The following SEMA6D variants were observed in gnomAD, a reference collection of about 807,000 sequenced individuals.
The protein encoded by SEMA6D is semaphorin 6D, also known as semaphorin-6D.
Under a neutral mutation model 106.6 loss-of-function variants are expected in SEMA6D, and 35 were observed. That is an observed-to-expected ratio of 0.33 (90% CI 0.25 to 0.44). SEMA6D has a LOEUF of 0.44. Among genes scored for constraint, SEMA6D ranks in the 20% least tolerant of loss-of-function variants. The pLI is 1.00. For synonymous variants in SEMA6D, 499 were observed against 487.7 expected, an observed-to-expected ratio of 1.02 and a Z score of -0.31; for missense variants, 1,185 against 1,345.9, an observed-to-expected ratio of 0.88 and a Z score of 1.87.
intron 4 of SEMA6D, among the ~76,000 whole-genome samples, chr15:47,627,272 C>T (rs1356385240): frequency 1.3e-5 from 2 of 152,156 alleles, no homozygotes; most frequent in Admixed American, 1.3e-4. Context: ...AGACCTCCAT[C>T]TCAAATGCTG....
chr15:47,662,855 G>GCACA (rs1566969200), intron 4 of SEMA6D, among the ~76,000 whole-genome samples: 1 of 104,692 alleles, frequency 9.6e-6, no homozygotes, highest in Admixed American at 8.6e-5. Context: ...GCGTGTATGA[G>GCACA]CGCACACACA....
intron 3 of SEMA6D, among the ~76,000 whole-genome samples, chr15:47,568,972 A>G (rs1449488068): frequency 1.3e-5 from 2 of 152,134 alleles, no homozygotes; most frequent in African/African-American, 4.8e-5. Context: ...TGCTCTATGG[A>G]AATCCACAGA....
chr15:47,612,460 C>T (rs1365529798), intron 4 of SEMA6D, among the ~76,000 whole-genome samples: 3 of 152,178 alleles, frequency 2.0e-5, no homozygotes, highest in Admixed American at 6.5e-5. Flanking sequence ...CGTTAAAAAT[C>T]GGTGAGGTGT....
chr15:47,265,399 G>T (rs993293), intron 1 of SEMA6D, among the ~76,000 whole-genome samples: 113,971 of 151,448 alleles, frequency 0.75, 46,467 homozygotes, highest in Non-Finnish European at 0.92. Flanking sequence ...TTTCAGTTAT[G>T]GTACTTTGCA....
At chr15:47,767,866 G>T (rs2082426711) in intron 17 of SEMA6D, among the ~76,000 whole-genome samples, 1 of 152,208 alleles carries the variant, frequency 6.6e-6, no homozygotes, top group African/African-American at 2.4e-5. Context: ...CTCAGGGGGA[G>T]AAAAAGATGG....
At chr15:47,731,019 A>G (rs2080086006) in intron 1 of SEMA6D, 1 of 599,592 alleles carries the variant, frequency 1.7e-6, no homozygotes, top group East Asian at 2.7e-5. Context: ...TTTAGAAAAT[A>G]TTAATCTACT....
chr15:47,199,198 T>C (rs935779974), intron 1 of SEMA6D, among the ~76,000 whole-genome samples: 2 of 152,184 alleles, frequency 1.3e-5, no homozygotes, highest in Non-Finnish European at 2.9e-5. Context: ...GATAGTTAAA[T>C]AGACCTATTG....
At chr15:47,690,031 C>T (rs1039191801) in intron 4 of SEMA6D, among the ~76,000 whole-genome samples, 4 of 152,166 alleles carry the variant, frequency 2.6e-5, no homozygotes, top group Non-Finnish European at 5.9e-5. Context: ...CATGGCCATC[C>T]GCCTCCCTTT....
chr15:47,193,129 T>C (rs182785097), intron 1 of SEMA6D, among the ~76,000 whole-genome samples: 19 of 152,264 alleles, frequency 1.2e-4, no homozygotes, highest in African/African-American at 4.3e-4. Flanking sequence ...ATGGACCCCA[T>C]GGATGGGCTG....
chr15:47,234,485 C>G (rs28368939), intron 1 of SEMA6D, among the ~76,000 whole-genome samples: 1 of 151,722 alleles, frequency 6.6e-6, no homozygotes, highest in African/African-American at 2.4e-5. Flanking sequence ...CTTTTTATTC[C>G]TCAGTCCTCT....
At chr15:47,751,994 CA>C (rs1437763294) in intron 1 of SEMA6D, among the ~76,000 whole-genome samples, 1 of 152,064 alleles carries the variant, frequency 6.6e-6, no homozygotes, top group Non-Finnish European at 1.5e-5. Flanking sequence ...GGGCTGAAAA[CA>C]GAGACAGAGT....
At chr15:47,587,354 G>A (rs557419677) in intron 3 of SEMA6D, among the ~76,000 whole-genome samples, 1 of 152,284 alleles carries the variant, frequency 6.6e-6, no homozygotes, top group Admixed American at 6.5e-5. Flanking sequence ...GCTGACTGGA[G>A]GGTCCAAACT....
chr15:47,644,916 G>A (rs1057327057), intron 4 of SEMA6D, among the ~76,000 whole-genome samples: 1 of 152,134 alleles, frequency 6.6e-6, no homozygotes, highest in Non-Finnish European at 1.5e-5. Flanking sequence ...AGGACTAAGT[G>A]AAGCTTCATA....
intron 1 of SEMA6D, among the ~76,000 whole-genome samples, chr15:47,300,927 T>C (rs1038186335): frequency 1.3e-5 from 2 of 152,242 alleles, no homozygotes; most frequent in Non-Finnish European, 2.9e-5. Context: ...AGAGGACTAC[T>C]GCATCTTATT....
chr15:47,416,539 T>C (rs935229911), intron 2 of SEMA6D, among the ~76,000 whole-genome samples: 13 of 152,310 alleles, frequency 8.5e-5, no homozygotes, highest in South Asian at 4.1e-4. Context: ...CAGATCATAC[T>C]ACTAATAGTC....
At chr15:47,378,357 G>A (rs865963840) in intron 1 of SEMA6D, among the ~76,000 whole-genome samples, 33 of 152,144 alleles carry the variant, frequency 2.2e-4, no homozygotes, top group African/African-American at 6.8e-4. Context: ...TTAGCCAGGC[G>A]TGGTGGCACG....
intron 3 of SEMA6D, among the ~76,000 whole-genome samples, chr15:47,518,457 T>C (rs567477802): frequency 6.6e-5 from 10 of 152,340 alleles, no homozygotes; most frequent in Middle Eastern, 3.4e-3. Context: ...TAGGTGATTT[T>C]GTCTTTGTGC....
At chr15:47,351,992 G>A (rs1335357239) in intron 1 of SEMA6D, among the ~76,000 whole-genome samples, 1 of 152,120 alleles carries the variant, frequency 6.6e-6, no homozygotes, top group Non-Finnish European at 1.5e-5. Context: ...CAGTAGATCT[G>A]AAAATAAATA....
chr15:47,770,382 C>G (rs879786180), intron 18 of SEMA6D, 115 bp from the exon 19 acceptor site: 2 of 818,696 alleles, frequency 2.4e-6, no homozygotes, highest in African/African-American at 3.4e-5. Context: ...ACTTGACCCT[C>G]CGAGCTAAGC....
Sources: allele counts gnomAD v4.1 joint callset (sites outside exome capture counted in the v4.1 genomes callset), GRCh38; gene constraint gnomAD v4.1.1; transcripts MANE v1.5; gene names NCBI Gene and HGNC (gene_info 2026-07-23, HGNC 2026-07-21).